The following PRR5L variants were observed in gnomAD, a reference collection of about 807,000 sequenced individuals.
PRR5L encodes proline-rich protein 5-like.
A neutral mutation model predicts 36.4 loss-of-function variants in PRR5L; 21 were observed. That is an observed-to-expected ratio of 0.58 (90% CI 0.41 to 0.83). PRR5L has a LOEUF of 0.83. Among genes scored for constraint, PRR5L ranks in the 40% least tolerant of loss-of-function variants. PRR5L has a pLI of 0.00. For missense variants in PRR5L, 381 were observed against 473.3 expected (o/e 0.80, Z 1.81); for synonymous variants, 188 against 197.0 (o/e 0.95, Z 0.38).
chr11:36,448,401 C>T (rs1373306581), intron 7 of PRR5L, among the ~76,000 whole-genome samples: 2 of 152,160 alleles, frequency 1.3e-5, no homozygotes, highest in African/African-American at 2.4e-5. Flanking sequence ...TGCCTGGAAC[C>T]TGACTTACTC....
chr11:36,341,001 C>T (rs1250963378), intron 1 of PRR5L, among the ~76,000 whole-genome samples: 1 of 152,180 alleles, frequency 6.6e-6, no homozygotes, highest in African/African-American at 2.4e-5. Context: ...GTCCAACTCT[C>T]ATTTGAAACA....
intron 3 of PRR5L, among the ~76,000 whole-genome samples, chr11:36,416,964 C>T (rs1040132155): frequency 2.0e-5 from 3 of 152,186 alleles, no homozygotes; most frequent in African/African-American, 7.2e-5. Context: ...CATCATAGAT[C>T]CCTCCTCCGT....
chr11:36,404,752 T>C (rs1270035059), intron 3 of PRR5L, among the ~76,000 whole-genome samples: 2 of 152,202 alleles, frequency 1.3e-5, no homozygotes, highest in African/African-American at 2.4e-5. Context: ...CTACTTTCAT[T>C]AAAGTCTTTA....
chr11:36,405,113 A>C (rs769568837), intron 3 of PRR5L, among the ~76,000 whole-genome samples: 26 of 152,184 alleles, frequency 1.7e-4, no homozygotes, highest in Non-Finnish European at 3.1e-4. Context: ...GGAGAGGTAC[A>C]GGTCAAGCCA....
chr11:36,454,249 C>T (rs1448233501), intron 8 of PRR5L: 1 of 152,114 alleles, frequency 6.6e-6, no homozygotes, highest in East Asian at 1.9e-4. Flanking sequence ...AGGAGGTGTT[C>T]CTTAGCCCAA....
chr11:36,403,337 C>A lies in PRR5L; in HGVS notation c.204C>A (p.Gly68=). The A allele has an allele frequency of 6.2e-7, 1 of 1,614,158 alleles. No individual in the cohort carries two copies. Among genetic ancestry groups the A allele is most frequent in the Non-Finnish European group, 8.5e-7 (1 of 1,180,024 alleles). The change falls in exon 3 of 9, where the codon GGC becomes GGA. Residue 68 remains glycine, a synonymous_variant. Coordinates refer to ENST00000530639, the MANE Select transcript of PRR5L (RefSeq NM_001160167.2). The part of the protein sequence containing the change: ...TAVINVFKGG[G]LQSNELYALN... The stretch of plus-strand genomic sequence containing the variant: ...TGATCAACGTTTTCAAAGGGGGTGG[C>A]TTGCAAAGCAACGAGCTCTATGCCC...
At chr11:36,332,774 C>G (rs1357785691) in intron 1 of PRR5L, among the ~76,000 whole-genome samples, 3 of 152,168 alleles carry the variant, frequency 2.0e-5, no homozygotes, top group South Asian at 2.1e-4. Flanking sequence ...GTTGCTCCCT[C>G]TCTCGCCATG....
At chr11:36,401,814 C>G (rs1857804404) in intron 2 of PRR5L, among the ~76,000 whole-genome samples, 1 of 152,166 alleles carries the variant, frequency 6.6e-6, no homozygotes. Flanking sequence ...CACTGAGGGC[C>G]TCTGGCCTGT....
intron 1 of PRR5L, among the ~76,000 whole-genome samples, chr11:36,325,818 A>G (rs991197808): frequency 2.6e-5 from 4 of 152,140 alleles, no homozygotes; most frequent in Non-Finnish European, 2.9e-5. Context: ...ATTGATGGCA[A>G]TTACCGTTGT....
intron 1 of PRR5L, among the ~76,000 whole-genome samples, chr11:36,326,538 C>A (rs1317657085): frequency 6.6e-6 from 1 of 152,138 alleles, no homozygotes; most frequent in African/African-American, 2.4e-5. Flanking sequence ...ATCTTTTAAT[C>A]TCTAATAATT....
chr11:36,329,528 T>A (rs188053677), intron 1 of PRR5L, among the ~76,000 whole-genome samples: 177 of 152,356 alleles, frequency 1.2e-3, no homozygotes, highest in African/African-American at 4.1e-3. Flanking sequence ...ATAAAATTTC[T>A]TTCTACAATT....
chr11:36,336,654 T>C (rs913369273), intron 1 of PRR5L, among the ~76,000 whole-genome samples: 1 of 151,992 alleles, frequency 6.6e-6, no homozygotes, highest in Non-Finnish European at 1.5e-5. Context: ...TTAAGTAATG[T>C]TTGTTGAATA....
intron 6 of PRR5L, among the ~76,000 whole-genome samples, chr11:36,444,145 T>C (rs1442986670): frequency 6.6e-6 from 1 of 152,116 alleles, no homozygotes; most frequent in African/African-American, 2.4e-5. Context: ...CAGGAGATGG[T>C]TGGTTACACA....
chr11:36,440,234 C>T (rs74403533), intron 6 of PRR5L, among the ~76,000 whole-genome samples: 4 of 152,078 alleles, frequency 2.6e-5, no homozygotes, highest in Non-Finnish European at 4.4e-5. Context: ...AAACCTCCCC[C>T]CCACCTATGC....
intron 3 of PRR5L, among the ~76,000 whole-genome samples, chr11:36,409,309 G>A (rs555405357): frequency 2.0e-5 from 3 of 152,270 alleles, no homozygotes; most frequent in Middle Eastern, 3.4e-3. Context: ...GGAAACCAGA[G>A]ATCAGTTATC....
intron 1 of PRR5L, among the ~76,000 whole-genome samples, chr11:36,320,754 C>T (rs1482731099): frequency 6.6e-6 from 1 of 152,194 alleles, no homozygotes; most frequent in Non-Finnish European, 1.5e-5. Context: ...CTTTTTCTTA[C>T]TGTGCAACAT....
chr11:36,356,405 C>T (rs1416517333), intron 1 of PRR5L, among the ~76,000 whole-genome samples: 1 of 152,058 alleles, frequency 6.6e-6, no homozygotes, highest in Non-Finnish European at 1.5e-5. Flanking sequence ...ACTGTGAGGC[C>T]TCAAGGGAGT....
chr11:36,453,392 A>AG (rs2133627639), intron 8 of PRR5L, among the ~76,000 whole-genome samples: 1 of 152,308 alleles, frequency 6.6e-6, no homozygotes, highest in South Asian at 2.1e-4. Flanking sequence ...TCACTCTAAG[A>AG]GGGGATAGCT....
chr11:36,387,486 A>G (rs914195785), intron 1 of PRR5L, among the ~76,000 whole-genome samples: 12 of 152,180 alleles, frequency 7.9e-5, no homozygotes, highest in Admixed American at 1.3e-4. Flanking sequence ...GGTGAATTAG[A>G]TGATGTGGTA....
Sources: allele counts gnomAD v4.1 joint callset (sites outside exome capture counted in the v4.1 genomes callset), GRCh38; gene constraint gnomAD v4.1.1; transcripts MANE v1.5; gene names NCBI Gene and HGNC (gene_info 2026-07-23, HGNC 2026-07-21).